Variants in PCDHA4 observed in about 807,000 individuals in gnomAD.
PCDHA4 encodes the protein protocadherin alpha 4.
In PCDHA4, 49 loss-of-function variants were observed where a neutral mutation model predicts 61.4. The observed-to-expected ratio is 0.80, with a 90% CI of 0.63 to 1.01. The LOEUF (loss-of-function observed/expected upper bound fraction) is 1.01. PCDHA4 is among the 50% of genes least tolerant of loss of function. The pLI, the probability that PCDHA4 is intolerant of heterozygous loss-of-function variation, is 0.00. For missense variants in PCDHA4, 1,254 were observed against 1,235.8 expected (o/e 1.01, Z -0.22); for synonymous variants, 590 against 550.3 (o/e 1.07, Z -1.01).
chr5:140,966,862 G>C lies in PCDHA4; in HGVS notation c.2386-12087G>C, dbSNP rs782810195. On this transcript the variant is annotated intron_variant, in intron 1 of 3. Transcript: ENST00000530339. ...TGCTACTGCCTCTCCTGCTGCTGTTGCTGCTGCTGCTACCTGGCCCTGCGG... is the reference window on the plus strand; with the variant it reads ...TGCTACTGCCTCTCCTGCTGCTGTTCCTGCTGCTGCTACCTGGCCCTGCGG... The C allele has an allele frequency of 1.2e-5, 18 of 1,562,198 alleles. No individual in the cohort carries two copies. Among genetic ancestry groups the C allele is most frequent in the Non-Finnish European group, 1.5e-5 (18 of 1,164,444 alleles).
chr5:140,908,836 T>C (rs1206116511), intron 1 of PCDHA4, among the ~76,000 whole-genome samples: 4 of 152,200 alleles, frequency 2.6e-5, no homozygotes, highest in African/African-American at 9.7e-5. Flanking sequence ...ATAAATGGGC[T>C]GGAGTAACAT....
At chr5:140,871,703 A>G (rs1202166124) in intron 1 of PCDHA4, 9 of 879,148 alleles carry the variant, frequency 1.0e-5, no homozygotes, top group African/African-American at 1.7e-5. Context: ...TTTAACCAAT[A>G]AATGTCCTAT....
intron 1 of PCDHA4, among the ~76,000 whole-genome samples, chr5:140,886,716 C>T (rs1160663504): frequency 1.3e-5 from 2 of 151,034 alleles, no homozygotes; most frequent in Non-Finnish European, 2.9e-5. Flanking sequence ...ATCCCAGCTA[C>T]TTGGGAGGCT....
In PCDHA4 at chr5:140,808,325, G is replaced by T. The variant is rs1347522156; in HGVS notation, c.1138G>T (p.Gly380Cys). 1.9e-6 allele frequency: 3 copies of T among 1,614,120 alleles called. No homozygotes were observed. Among genetic ancestry groups the T allele is most frequent in the East Asian group, 4.5e-5 (2 of 44,896 alleles). The change falls in exon 1 of 4, where the codon GGT becomes TGT. Residue 380 changes from glycine to cysteine, a missense_variant. Coordinates refer to ENST00000530339, the MANE Select transcript of PCDHA4 (RefSeq NM_018907.4). ...ALISVSDKDM[G>C]VNGLVTCSLT... Reference sequence around the variant, plus strand: ...GATCAGCGTGTCCGACAAAGACATGGGTGTCAATGGGCTGGTCACCTGCTC... The same window carrying T: ...GATCAGCGTGTCCGACAAAGACATGTGTGTCAATGGGCTGGTCACCTGCTC...
chr5:140,828,653 G>A, intron 1 of PCDHA4: 5 of 1,614,156 alleles, frequency 3.1e-6, no homozygotes, highest in Non-Finnish European at 4.2e-6. Context: ...AAACAGTGAT[G>A]ACAATAAACA....
intron 1 of PCDHA4, chr5:140,868,273 C>A (rs1311976993): frequency 6.6e-6 from 1 of 151,892 alleles, no homozygotes; most frequent in Non-Finnish European, 1.5e-5. Flanking sequence ...TTTTTTAAAA[C>A]TACCAAGTTT....
intron 1 of PCDHA4, chr5:140,877,658 T>G: frequency 6.2e-7 from 1 of 1,613,486 alleles, no homozygotes. Context: ...CCGCCCACCG[T>G]GAGCCGGTGC....
At chr5:140,985,216 C>T (rs1009954667) in intron 3 of PCDHA4, among the ~76,000 whole-genome samples, 1 of 152,186 alleles carries the variant, frequency 6.6e-6, no homozygotes, top group South Asian at 2.1e-4. Context: ...GGATTACAGG[C>T]GTGAGCCACC....
At chr5:140,971,958 C>G (rs2096508715) in intron 1 of PCDHA4, among the ~76,000 whole-genome samples, 1 of 152,054 alleles carries the variant, frequency 6.6e-6, no homozygotes, top group Non-Finnish European at 1.5e-5. Context: ...ACTCCAAAAA[C>G]TTTTTTTCAA....
At chr5:140,975,779 A>G (rs1439511378) in intron 1 of PCDHA4, among the ~76,000 whole-genome samples, 1 of 152,118 alleles carries the variant, frequency 6.6e-6, no homozygotes, top group Non-Finnish European at 1.5e-5. Context: ...TAATACCATT[A>G]CAAGATAAAT....
chr5:140,927,848 G>A (rs1295513512), intron 1 of PCDHA4: 3 of 1,614,062 alleles, frequency 1.9e-6, no homozygotes, highest in Non-Finnish European at 2.5e-6. Context: ...GGTGTCTTTG[G>A]TTTAGCTAGC....
chr5:140,820,699 T>G (rs2150107645), intron 1 of PCDHA4, among the ~76,000 whole-genome samples: 7 of 152,096 alleles, frequency 4.6e-5, no homozygotes, highest in African/African-American at 1.7e-4. Context: ...GATATTCTTT[T>G]CAACATGATT....
chr5:140,903,966 T>A (rs568850758), intron 1 of PCDHA4, among the ~76,000 whole-genome samples: 1 of 152,360 alleles, frequency 6.6e-6, no homozygotes, highest in Admixed American at 6.5e-5. Context: ...TTTGTTGATT[T>A]TTGGTCTATT....
intron 1 of PCDHA4, chr5:140,864,763 A>T (rs976670249): frequency 6.6e-6 from 1 of 152,064 alleles, no homozygotes; most frequent in East Asian, 1.9e-4. Context: ...TTTTTCTTTC[A>T]TTTTTGGTAC....
rs1770654887 is a variant in PCDHA4, at chr5:140,829,892, T to G, written c.2385+20320T>G. 1 of 1,613,924 alleles carries G rather than the reference T, an allele frequency of 6.2e-7. No individual in the cohort carries two copies. The highest frequency in any genetic ancestry group is 8.5e-7 in the Non-Finnish European group (1 of 1,179,884). On this transcript the variant is annotated intron_variant, in intron 1 of 3. Coordinates refer to ENST00000530339, the MANE Select transcript of PCDHA4 (RefSeq NM_018907.4). The stretch of plus-strand genomic sequence containing the variant: ...GAAGGTGCGCGCAGTTGACGCCGAC[T>G]CAGGCTACAACGCGTGGCTTTCGTA...
chr5:140,853,580 T>C, intron 1 of PCDHA4: 2 of 984,120 alleles, frequency 2.0e-6, no homozygotes, highest in Non-Finnish European at 2.4e-6. Flanking sequence ...TCACCCAATA[T>C]CTTAGACACT....
At chr5:140,929,400 A>G (rs915139377) in intron 1 of PCDHA4, 5 of 1,509,110 alleles carry the variant, frequency 3.3e-6, no homozygotes, top group African/African-American at 2.8e-5. Flanking sequence ...TATTTCTTAG[A>G]CAAGCCTTTC....
intron 1 of PCDHA4, among the ~76,000 whole-genome samples, chr5:140,899,251 G>T (rs1322090098): frequency 2.6e-5 from 4 of 152,082 alleles, no homozygotes; most frequent in African/African-American, 9.7e-5. Flanking sequence ...GTGAGAGAGG[G>T]CATCCCTGTC....
At chr5:140,913,970 T>C (rs2076541614) in intron 1 of PCDHA4, among the ~76,000 whole-genome samples, 1 of 152,144 alleles carries the variant, frequency 6.6e-6, no homozygotes. Context: ...TAAAAAAATA[T>C]TTTAGGACTT....
Sources: allele counts gnomAD v4.1 joint callset (sites outside exome capture counted in the v4.1 genomes callset), GRCh38; gene constraint gnomAD v4.1.1; transcripts MANE v1.5; gene names NCBI Gene and HGNC (gene_info 2026-07-23, HGNC 2026-07-21).